Variants in EXOC2 observed in about 807,000 individuals in gnomAD.
EXOC2 encodes the protein exocyst complex component 2.
EXOC2 carries 70 observed loss-of-function variants against 131.8 expected under a neutral mutation model. That is an observed-to-expected ratio of 0.53 (90% CI 0.44 to 0.65). The LOEUF (loss-of-function observed/expected upper bound fraction) is 0.65. Among genes scored for constraint, EXOC2 ranks in the 30% least tolerant of loss-of-function variants. The probability of loss-of-function intolerance (pLI) is 0.00; values close to 1 mark genes in which losing one functional copy is unlikely to be tolerated. For missense variants in EXOC2, 923 were observed against 1,108.6 expected, an observed-to-expected ratio of 0.83 and a Z score of 2.38; for synonymous variants, 411 against 398.4, an observed-to-expected ratio of 1.03 and a Z score of -0.38.
At chr6:621,655 C>CT (rs1457038031) in intron 4 of EXOC2, among the ~76,000 whole-genome samples, 1 of 152,128 alleles carries the variant, frequency 6.6e-6, no homozygotes, top group Non-Finnish European at 1.5e-5. Flanking sequence ...TCCACCGAGA[C>CT]TGAGTCGATC....
chr6:630,745 T>C (rs576515078), intron 3 of EXOC2, among the ~76,000 whole-genome samples: 1 of 152,358 alleles, frequency 6.6e-6, no homozygotes, highest in Admixed American at 6.5e-5. Flanking sequence ...GTGCTGGAAA[T>C]GTCCTAGATG....
intron 1 of EXOC2, among the ~76,000 whole-genome samples, chr6:659,693 C>A (rs1469153458): frequency 6.6e-6 from 1 of 152,158 alleles, no homozygotes; most frequent in Non-Finnish European, 1.5e-5. Flanking sequence ...GTAGAGGCAG[C>A]AGAAAAGCCC....
At chr6:634,162 C>A (rs1761989559) in intron 2 of EXOC2, among the ~76,000 whole-genome samples, 1 of 152,096 alleles carries the variant, frequency 6.6e-6, no homozygotes, top group Non-Finnish European at 1.5e-5. Flanking sequence ...ATCTCCCACG[C>A]TCAAGCAATT....
intron 16 of EXOC2, among the ~76,000 whole-genome samples, 168 bp from the exon 17 acceptor site, chr6:563,013 C>T (rs3765437): frequency 0.39 from 58,616 of 152,068 alleles, 13,283 homozygotes; most frequent in South Asian, 0.65. Flanking sequence ...GATTTAAGTA[C>T]ATATTGTTCA....
rs185291110 is a variant in EXOC2, at chr6:666,642, T to C, written c.-44+26377A>G. Among the ~76,000 whole-genome samples, 394 of 96,970 alleles carry C rather than the reference T, an allele frequency of 4.1e-3. 108 individuals are homozygous for C. Among genetic ancestry groups the C allele is most frequent in the African/African-American group, 0.011 (352 of 32,722 alleles). The allele number at this position is 96,970 out of a possible 152,430, so 63.6% of individuals were successfully genotyped here. A position where few individuals can be genotyped will look rare whatever the true frequency, so the allele number is the denominator to read the frequency against. On this transcript the variant is annotated intron_variant, in intron 1 of 27. Coordinates refer to ENST00000230449, the MANE Select transcript of EXOC2 (RefSeq NM_018303.6). ...CCTCCTGTTTCCTCTGTTATTAACA[T>C]CTTGCATTAGTGTGGCACAGCTGTT...
chr6:664,901 C>T (rs546680459), intron 1 of EXOC2, among the ~76,000 whole-genome samples: 2 of 152,034 alleles, frequency 1.3e-5, no homozygotes, highest in Non-Finnish European at 2.9e-5. Flanking sequence ...TGCCAAGAAC[C>T]CAAAAGCAAA....
At chr6:657,506 A>G (rs777281539) in intron 1 of EXOC2, among the ~76,000 whole-genome samples, 6 of 152,242 alleles carry the variant, frequency 3.9e-5, no homozygotes, top group South Asian at 2.1e-4. Flanking sequence ...GTATGGAGTT[A>G]TAACACAAAT....
chr6:678,040 C>T (rs2127791794), intron 1 of EXOC2, among the ~76,000 whole-genome samples: 1 of 152,242 alleles, frequency 6.6e-6, no homozygotes, highest in East Asian at 1.9e-4. Flanking sequence ...CCCTCCCTGA[C>T]CAGTTCTTCA....
At chr6:534,778 C>A (rs978093453) in intron 22 of EXOC2, among the ~76,000 whole-genome samples, 1 of 152,198 alleles carries the variant, frequency 6.6e-6, no homozygotes, top group Non-Finnish European at 1.5e-5. Context: ...CAGTGACAGG[C>A]AATAACTCTG....
chr6:516,026 G>C (rs1765144789), intron 23 of EXOC2, among the ~76,000 whole-genome samples: 1 of 152,110 alleles, frequency 6.6e-6, no homozygotes, highest in Admixed American at 6.5e-5. Context: ...TCTACTGTGA[G>C]GCATGTTATA....
chr6:690,629 G>A (rs1764880040), intron 1 of EXOC2, among the ~76,000 whole-genome samples: 1 of 152,164 alleles, frequency 6.6e-6, no homozygotes, highest in Non-Finnish European at 1.5e-5. Flanking sequence ...CGTGAACCCG[G>A]GAGGCAGAGC....
Position 572,661 on chromosome 6 carries a change from T to G in EXOC2, c.1319-17A>C. 3.7e-6 allele frequency: 6 copies of G among 1,609,182 alleles called. No homozygotes were observed. Among genetic ancestry groups the G allele is most frequent in the Non-Finnish European group, 5.1e-6 (6 of 1,178,474 alleles). On this transcript the variant is annotated splice_polypyrimidine_tract_variant and intron_variant, in intron 12 of 27. Coordinates refer to ENST00000230449, the MANE Select transcript of EXOC2 (RefSeq NM_018303.6). ...ATCTCCACGCTAAGGGGGAAAAGAA[T>G]AAAATACTATGATTGTACTTCTGAA...
chr6:665,648 A>G (rs1763611117), intron 1 of EXOC2, among the ~76,000 whole-genome samples: 1 of 151,956 alleles, frequency 6.6e-6, no homozygotes, highest in African/African-American at 2.4e-5. Flanking sequence ...ATGAGATTGG[A>G]GACTATTATT....
intron 5 of EXOC2, among the ~76,000 whole-genome samples, chr6:618,663 T>C (rs1362237554): frequency 6.6e-6 from 1 of 152,248 alleles, no homozygotes; most frequent in Non-Finnish European, 1.5e-5. Context: ...TTCCTCATCT[T>C]GGACATTTGC....
chr6:569,887 A>G (rs1323008989), intron 13 of EXOC2, among the ~76,000 whole-genome samples: 2 of 152,240 alleles, frequency 1.3e-5, no homozygotes, highest in African/African-American at 4.8e-5. Context: ...TTTTTCATCT[A>G]CGACCAAATA....
intron 2 of EXOC2, among the ~76,000 whole-genome samples, chr6:634,533 C>G (rs1343879283): frequency 6.6e-6 from 1 of 152,160 alleles, no homozygotes; most frequent in African/African-American, 2.4e-5. Flanking sequence ...GGCACAAAGT[C>G]AAATCATCTT....
Position 562,806 on chromosome 6 carries a change from T to C in EXOC2, c.1829A>G (p.Asp610Gly), listed in dbSNP as rs1415622116. The C allele has an allele frequency of 6.2e-7, 1 of 1,600,580 alleles. No individual in the cohort carries two copies. The highest frequency in any genetic ancestry group is 1.7e-5 in the Admixed American group (1 of 58,014). ...RLAEKEDWIV[D>G]NEGLTSLPCQ... ...TACTAGAGAAGTCAGTCCTTCATTG[T>C]CAACAATCCAGTCTTCTTTTTCAGC... Residue 610 changes from aspartate (D) to glycine (G), a missense_variant, in exon 17 of 28, where the codon GAC (aspartate) becomes GGC (glycine). Physicochemically the swap from Asp to Gly is moderately conservative, Grantham distance 94. Transcript: ENST00000230449.
At chr6:509,310 A>G (rs1240406844) in intron 23 of EXOC2, among the ~76,000 whole-genome samples, 1 of 152,242 alleles carries the variant, frequency 6.6e-6, no homozygotes, top group Non-Finnish European at 1.5e-5. Flanking sequence ...AGTTTATGTA[A>G]GATATCTTCC....
At chr6:584,806 G>T (rs1469134558) in intron 11 of EXOC2, among the ~76,000 whole-genome samples, 1 of 152,218 alleles carries the variant, frequency 6.6e-6, no homozygotes, top group Non-Finnish European at 1.5e-5. Flanking sequence ...TTCTAATTAA[G>T]TGCATCTCTG....
Sources: gnomAD v4.1 joint callset for allele counts (sites outside exome capture counted in the v4.1 genomes callset) on GRCh38, gnomAD v4.1.1 for gene constraint, MANE v1.5 for transcripts, NCBI Gene and HGNC (gene_info 2026-07-23, HGNC 2026-07-21) for gene names.